XKR6: variants seen among roughly 807,000 people sequenced by gnomAD.
XKR6 encodes XK related 6.
A neutral mutation model predicts 56.7 loss-of-function variants in XKR6; 22 were observed. That is an observed-to-expected ratio of 0.39 (90% confidence interval 0.28 to 0.55). XKR6 has a LOEUF of 0.55. XKR6 is among the 20% of genes least tolerant of loss of function. The pLI, the probability that XKR6 is intolerant of heterozygous loss-of-function variation, is 0.66. For missense variants in XKR6, 852 were observed against 889.0 expected (o/e 0.96, Z 0.53); for synonymous variants, 524 against 387.8 (o/e 1.35, Z -4.13).
intron 1 of XKR6, among the ~76,000 whole-genome samples, chr8:11,139,790 G>C (rs576043548): frequency 6.6e-6 from 1 of 152,172 alleles, no homozygotes; most frequent in Non-Finnish European, 1.5e-5. Context: ...AGGAAAACTA[G>C]CGTCACATAC....
At chr8:11,116,848 A>C (rs948590489) in intron 1 of XKR6, among the ~76,000 whole-genome samples, 1 of 152,148 alleles carries the variant, frequency 6.6e-6, no homozygotes, top group African/African-American at 2.4e-5. Context: ...GTCGACAACA[A>C]CTGCGACACT....
intron 1 of XKR6, among the ~76,000 whole-genome samples, chr8:11,126,705 T>C (rs1713520525): frequency 6.6e-6 from 1 of 152,190 alleles, no homozygotes; most frequent in Non-Finnish European, 1.5e-5. Flanking sequence ...CAGAGCCATC[T>C]CTGGAGTCAG....
rs1206540050 is a variant in XKR6 at position 10,898,941 on chromosome 8, C to G, written c.962-25G>C. On this transcript the variant is annotated intron_variant, in intron 2 of 2. Coordinates refer to ENST00000416569, the MANE Select transcript of XKR6 (RefSeq NM_173683.4). This position sits in a 1 kb window ranked among gnomAD's most constrained non-coding sequence, Gnocchi z 6.6. Reference sequence around the variant, plus strand: ...CCTGCCGGAAAGACACAAACCCACACAGTCAAAACCTTGGACATCAACCGC... The same window carrying G: ...CCTGCCGGAAAGACACAAACCCACAGAGTCAAAACCTTGGACATCAACCGC... 6.4e-7 allele frequency: 1 copy of G among 1,567,838 alleles called. No individual in the cohort carries two copies.
chr8:10,898,142 A>G lies in XKR6; in HGVS notation c.1736T>C (p.Leu579Pro), dbSNP rs1406138104. The change falls in exon 3 of 3, where the codon CTC becomes CCC. Residue 579 changes from leucine (L) to proline (P), a missense_variant. Transcript: ENST00000416569. This position sits in a 1 kb window ranked among gnomAD's most constrained non-coding sequence, Gnocchi z 6.6. ...GPPTPLGRPY[L>P]PEGPLIKIDM... is the part of the protein sequence containing the mutation. The stretch of plus-strand genomic sequence containing the variant: ...AATCTTAATGAGGGGCCCTTCTGGG[A>G]GGTAAGGACGCCCCAACGGGGTAGG... The G allele has an allele frequency of 6.2e-7, 1 of 1,613,898 alleles. No individual in the cohort carries two copies. Among genetic ancestry groups the G allele is most frequent in the Non-Finnish European group, 8.5e-7 (1 of 1,179,956 alleles).
chr8:10,941,647 G>A (rs1224387793), intron 1 of XKR6, among the ~76,000 whole-genome samples: 1 of 152,222 alleles, frequency 6.6e-6, no homozygotes. Context: ...TGTGTGGTAG[G>A]GCTGGGCTTC....
At chr8:10,997,607 C>A (rs951666729) in intron 1 of XKR6, among the ~76,000 whole-genome samples, 3 of 152,144 alleles carry the variant, frequency 2.0e-5, no homozygotes, top group Non-Finnish European at 4.4e-5. Context: ...AGAGAATGTG[C>A]CAGGGCACAG....
At chr8:11,100,540 G>A (rs938041604) in intron 1 of XKR6, among the ~76,000 whole-genome samples, 1 of 152,176 alleles carries the variant, frequency 6.6e-6, no homozygotes, top group African/African-American at 2.4e-5. Context: ...ACGGATAGAA[G>A]GCCACCACTG....
In XKR6 at chr8:11,200,612, G is replaced by A; in HGVS notation, c.728C>T (p.Ser243Leu). The change falls in exon 1 of 3, where the codon TCG becomes TTG. Residue 243 changes from serine (S) to leucine (L), a missense_variant. Around this residue, in one of 4 missense-constraint regions of XKR6, gnomAD observed 199 missense variants for 280.4 expected, o/e 0.71. Transcript: ENST00000416569. This position sits in a 1 kb window ranked among gnomAD's most constrained non-coding sequence, Gnocchi z 6.4. ...CCCCATCTGCAGCAGGTGGATGACC[G>A]ACTGCCAGATCCACACGGAGAGGCG... ...LCRLSVWIWQ[S>L]VIHLLQMGQV... The A allele has an allele frequency of 6.5e-7, 1 of 1,543,418 alleles. No homozygotes were observed. The highest frequency in any genetic ancestry group is 1.2e-5 in the South Asian group (1 of 80,752).
chr8:10,979,406 T>A (rs1797674286), intron 1 of XKR6, among the ~76,000 whole-genome samples: 1 of 151,960 alleles, frequency 6.6e-6, no homozygotes, highest in Non-Finnish European at 1.5e-5. Flanking sequence ...GCCAGCACGT[T>A]CCTGGTTCCT....
At chr8:10,960,915 T>G (rs1454807181) in intron 1 of XKR6, among the ~76,000 whole-genome samples, 2 of 151,678 alleles carry the variant, frequency 1.3e-5, no homozygotes, top group Non-Finnish European at 2.9e-5. Flanking sequence ...AAACAAACAA[T>G]AAGAGCCATG....
chr8:10,991,570 C>T (rs1395672364), intron 1 of XKR6, among the ~76,000 whole-genome samples: 2 of 152,136 alleles, frequency 1.3e-5, no homozygotes, highest in African/African-American at 4.8e-5. Flanking sequence ...GGCAAAACAA[C>T]AGCTCAAATC....
rs1185418531 is a variant in XKR6 at position 11,201,194 on chromosome 8, C to A, written c.146G>T (p.Gly49Val). Residue 49 changes from glycine to valine, a missense_variant, in exon 1 of 3, where the codon GGC (glycine) becomes GTC (valine). Around this residue, in one of 4 missense-constraint regions of XKR6, gnomAD observed 417 missense variants for 355.2 expected, o/e 1.17. Transcript: ENST00000416569. The part of the protein sequence containing the change: ...CGGGGDGSEP[G>V]ESSSMHICHC... ...GCAGATGTGCATCGAGCTGCTCTCG[C>A]CGGGCTCGCTGCCGTCGCCGCCGCC... 6.5e-7 allele frequency: 1 copy of A among 1,529,370 alleles called. No homozygotes were observed. Among genetic ancestry groups the A allele is most frequent in the African/African-American group, 1.4e-5 (1 of 72,164 alleles). The allele number at this position is 1,529,370 out of a possible 1,614,324, so 94.7% of individuals were successfully genotyped here. A position where few individuals can be genotyped will look rare whatever the true frequency, so the allele number is the denominator to read the frequency against.
intron 1 of XKR6, among the ~76,000 whole-genome samples, chr8:10,927,236 T>C (rs576667812): frequency 6.6e-6 from 1 of 152,262 alleles, no homozygotes; most frequent in South Asian, 2.1e-4. Flanking sequence ...ACATGAATGC[T>C]CCAGCTGAAG....
At chr8:11,008,978 G>A (rs978693517) in intron 1 of XKR6, among the ~76,000 whole-genome samples, 1 of 151,984 alleles carries the variant, frequency 6.6e-6, no homozygotes, top group Non-Finnish European at 1.5e-5. Context: ...GGACCTGAAG[G>A]ATCCTTTCCT....
At chr8:11,097,710 G>C (rs192083738) in intron 1 of XKR6, among the ~76,000 whole-genome samples, 7,908 of 150,258 alleles carry the variant, frequency 0.053, 306 homozygotes, top group Middle Eastern at 0.096. Context: ...GGGAGGCTGA[G>C]GCAGCAGAAT....
intron 1 of XKR6, among the ~76,000 whole-genome samples, chr8:11,082,928 T>G (rs1457434513): frequency 6.6e-6 from 1 of 152,202 alleles, no homozygotes; most frequent in African/African-American, 2.4e-5. Context: ...TGTATTTATT[T>G]CTCGTCTTTA....
intron 1 of XKR6, among the ~76,000 whole-genome samples, chr8:11,148,104 G>A (rs1801083414): frequency 6.6e-6 from 1 of 152,086 alleles, no homozygotes; most frequent in Non-Finnish European, 1.5e-5. Flanking sequence ...CAGCTACTTG[G>A]GAAGCTGAGG....
chr8:11,169,994 T>C (rs910590765), intron 1 of XKR6, among the ~76,000 whole-genome samples: 4 of 152,174 alleles, frequency 2.6e-5, no homozygotes, highest in African/African-American at 4.8e-5. Context: ...ACAAAATTTC[T>C]CTTGGAGAGA....
intron 1 of XKR6, among the ~76,000 whole-genome samples, chr8:11,007,546 C>G (rs546669033): frequency 6.6e-6 from 1 of 152,144 alleles, no homozygotes; most frequent in Non-Finnish European, 1.5e-5. Flanking sequence ...CTCATCATCG[C>G]CATCAATACT....
Sources: allele counts gnomAD v4.1 joint callset (sites outside exome capture counted in the v4.1 genomes callset), GRCh38; gene constraint gnomAD v4.1.1; regional missense constraint gnomAD v4.1.1; non-coding constraint Gnocchi (gnomAD v3.1); transcripts MANE v1.5; gene names NCBI Gene and HGNC (gene_info 2026-07-23, HGNC 2026-07-21).